Variants in GRIK1 observed in about 807,000 individuals in gnomAD.
GRIK1 encodes the protein glutamate receptor ionotropic, kainate 1.
A neutral mutation model predicts 105.7 loss-of-function variants in GRIK1; 69 were observed. The ratio of observed to expected loss-of-function variants is 0.65; its 90% confidence interval spans 0.54 to 0.80. The LOEUF (loss-of-function observed/expected upper bound fraction) is 0.80. GRIK1 is among the 30% of genes least tolerant of loss of function. GRIK1 has a pLI of 0.00. For missense variants in GRIK1, 1,109 were observed against 1,167.3 expected (o/e 0.95, Z 0.73); for synonymous variants, 438 against 431.3 (o/e 1.02, Z -0.19).
chr21:29,932,782 T>A (rs1308392112), intron 1 of GRIK1, among the ~76,000 whole-genome samples: 1 of 151,946 alleles, frequency 6.6e-6, no homozygotes, highest in Admixed American at 6.6e-5. Context: ...AAAAATCAGA[T>A]AAGCATTTTA....
intron 1 of GRIK1, among the ~76,000 whole-genome samples, chr21:29,738,939 C>T (rs1035631263): frequency 3.9e-5 from 6 of 152,156 alleles, no homozygotes; most frequent in African/African-American, 1.4e-4. Context: ...TTAAACTGTG[C>T]TGGGGACACA....
chr21:29,731,205 T>C (rs1287266525), intron 1 of GRIK1, among the ~76,000 whole-genome samples: 1 of 152,192 alleles, frequency 6.6e-6, no homozygotes, highest in Non-Finnish European at 1.5e-5. Flanking sequence ...TCTCTGGTGA[T>C]GTTTTCCCAG....
At chr21:29,577,420 A>C (rs2090921697) in intron 13 of GRIK1, among the ~76,000 whole-genome samples, 1 of 152,216 alleles carries the variant, frequency 6.6e-6, no homozygotes, top group South Asian at 2.1e-4. Context: ...AAACAGTTTT[A>C]ACCTGGAGGC....
chr21:29,873,481 T>C (rs2146146030), intron 1 of GRIK1, among the ~76,000 whole-genome samples: 1 of 152,348 alleles, frequency 6.6e-6, no homozygotes, highest in Admixed American at 6.5e-5. Context: ...TTCTTATCTG[T>C]AAATCAACCA....
At chr21:29,900,612 A>G (rs1428875026) in intron 1 of GRIK1, among the ~76,000 whole-genome samples, 1 of 152,192 alleles carries the variant, frequency 6.6e-6, no homozygotes, top group African/African-American at 2.4e-5. Flanking sequence ...TATGCACCCA[A>G]TACAGGAGCA....
chr21:29,777,145 A>G (rs1001670558), intron 1 of GRIK1, among the ~76,000 whole-genome samples: 5 of 152,170 alleles, frequency 3.3e-5, no homozygotes, highest in Non-Finnish European at 5.9e-5. Context: ...CTGGAGATTA[A>G]TATAAATTCT....
At chr21:29,618,677 C>T (rs1302860056) in intron 7 of GRIK1, among the ~76,000 whole-genome samples, 1 of 152,210 alleles carries the variant, frequency 6.6e-6, no homozygotes, top group Admixed American at 6.5e-5. Context: ...GAATACTACT[C>T]AGCCATAAAA....
Position 29,805,652 on chromosome 21 carries a change from T to C in GRIK1, c.119-111589A>G, listed in dbSNP as rs2066843491. On this transcript the variant is annotated intron_variant, in intron 1 of 17. Transcript: ENST00000327783. ...ATCACCAACACACATATTTGCTTATTGTGTGTTGGTTAGTGTATATAGGAG... is the reference window on the plus strand; with the variant it reads ...ATCACCAACACACATATTTGCTTATCGTGTGTTGGTTAGTGTATATAGGAG... 2.6e-5 allele frequency among the ~76,000 whole-genome samples: 4 copies of C among 152,224 alleles called. No individual in the cohort carries two copies. The South Asian group carries it at 8.3e-4, about 32-fold the overall frequency.
chr21:29,682,472 CA>C (rs1052650989), intron 3 of GRIK1, among the ~76,000 whole-genome samples: 4 of 152,218 alleles, frequency 2.6e-5, no homozygotes, highest in East Asian at 1.9e-4. Context: ...CTTTTGCTTA[CA>C]TTTTTTTTGG....
At chr21:29,658,915 C>T (rs972362901) in intron 4 of GRIK1, among the ~76,000 whole-genome samples, 8 of 152,158 alleles carry the variant, frequency 5.3e-5, no homozygotes, top group Non-Finnish European at 1.0e-4. Flanking sequence ...AGTGCCAGAA[C>T]AAGCTGTTCA....
At chr21:29,545,604 G>A (rs925751083) in intron 16 of GRIK1, among the ~76,000 whole-genome samples, 4 of 152,198 alleles carry the variant, frequency 2.6e-5, no homozygotes, top group Admixed American at 6.5e-5. Flanking sequence ...TGATCGTGAT[G>A]TGTAGGGTGT....
At chr21:29,706,531 A>G (rs543125262) in intron 1 of GRIK1, among the ~76,000 whole-genome samples, 18 of 152,358 alleles carry the variant, frequency 1.2e-4, no homozygotes, top group African/African-American at 4.1e-4. Context: ...CCAACACTTT[A>G]AAATGAACTG....
intron 1 of GRIK1, among the ~76,000 whole-genome samples, chr21:29,701,049 T>C (rs1261579569): frequency 6.6e-6 from 1 of 151,276 alleles, no homozygotes; most frequent in Non-Finnish European, 1.5e-5. Context: ...CTATATTTAG[T>C]TGTTGTTGTT....
At position 29,598,809 on chromosome 21, in the gene GRIK1, A is replaced by G. The variant is rs753259605; in HGVS notation, c.1206+21T>C. ...ACAATGTTCATTTGTTATTTTATTT[A>G]TTTATTGTTAAGGAGGTTACCTTTT... On this transcript the variant is annotated intron_variant, in intron 8 of 17. Coordinates refer to ENST00000327783, the MANE Select transcript of GRIK1 (RefSeq NM_001330994.2). 6 of 1,029,268 alleles carry G rather than the reference A, an allele frequency of 5.8e-6. No individual in the cohort carries two copies. The Admixed American group carries it at 6.2e-5, about 11-fold the overall frequency. The allele number at this position is 1,029,268 out of a possible 1,614,324, so 63.8% of individuals were successfully genotyped here.
In GRIK1 at chr21:29,782,198, T is replaced by C. The variant is rs58136225; in HGVS notation, c.119-88135A>G. ...GCCTCCCGGGTTCACGCCATTCTCCTGCCTCAGCCTCCCGAGCAGCTGGGA... is the reference window on the plus strand; with the variant it reads ...GCCTCCCGGGTTCACGCCATTCTCCCGCCTCAGCCTCCCGAGCAGCTGGGA... On this transcript the variant is annotated intron_variant, in intron 1 of 17. Coordinates refer to ENST00000327783, the MANE Select transcript of GRIK1 (RefSeq NM_001330994.2). Among the ~76,000 whole-genome samples, 184 of 151,486 alleles carry C rather than the reference T, an allele frequency of 1.2e-3. 3 individuals carry two copies. The East Asian group carries it at 0.034, about 28-fold the overall frequency.
intron 1 of GRIK1, among the ~76,000 whole-genome samples, chr21:29,709,036 CTG>C (rs2063981428): frequency 6.6e-6 from 1 of 152,052 alleles, no homozygotes; most frequent in Non-Finnish European, 1.5e-5. Flanking sequence ...CAATATATAA[CTG>C]TATACCACAT....
intron 1 of GRIK1, among the ~76,000 whole-genome samples, chr21:29,916,155 A>G (rs2070988363): frequency 7.4e-6 from 1 of 135,024 alleles, no homozygotes; most frequent in Non-Finnish European, 1.6e-5. Flanking sequence ...TACTTAGAAA[A>G]TTACACAGAA....
At chr21:29,854,906 G>C (rs1475620670) in intron 1 of GRIK1, among the ~76,000 whole-genome samples, 1 of 152,128 alleles carries the variant, frequency 6.6e-6, no homozygotes, top group Non-Finnish European at 1.5e-5. Flanking sequence ...AGTTGCGAAT[G>C]GTTTAGTAAT....
chr21:29,554,499 T>C (rs2090198333), intron 16 of GRIK1, among the ~76,000 whole-genome samples: 1 of 152,170 alleles, frequency 6.6e-6, no homozygotes, highest in Non-Finnish European at 1.5e-5. Context: ...CTCATATACA[T>C]TGCATTTTCA....
Sources: gnomAD v4.1 joint callset for allele counts (sites outside exome capture counted in the v4.1 genomes callset) on GRCh38, gnomAD v4.1.1 for gene constraint, MANE v1.5 for transcripts, NCBI Gene and HGNC (gene_info 2026-07-23, HGNC 2026-07-21) for gene names.